Variants in SBF2 observed in about 807,000 individuals in gnomAD.
SBF2 encodes the protein myotubularin-related protein 13.
In SBF2, 112 loss-of-function variants were observed where a neutral mutation model predicts 225.2. The observed-to-expected ratio is 0.50, with a 90% CI of 0.43 to 0.58. The LOEUF (loss-of-function observed/expected upper bound fraction) is 0.58, where lower values mean the gene tolerates loss of function less well. SBF2 is among the 20% of genes least tolerant of loss of function. The pLI is 0.00. For synonymous variants in SBF2, 763 were observed against 773.3 expected, an observed-to-expected ratio of 0.99 and a Z score of 0.22; for missense variants, 1,996 against 2,206.2, an observed-to-expected ratio of 0.90 and a Z score of 1.91.
intron 16 of SBF2, among the ~76,000 whole-genome samples, chr11:9,915,156 T>C (rs1590426580): frequency 6.6e-6 from 1 of 151,992 alleles, no homozygotes; most frequent in East Asian, 1.9e-4. Context: ...AAGAGAGTAC[T>C]TGAAAAAGAA....
At chr11:10,171,988 AC>A (rs1437618574) in intron 2 of SBF2, among the ~76,000 whole-genome samples, 13 of 152,166 alleles carry the variant, frequency 8.5e-5, no homozygotes, top group African/African-American at 2.6e-4. Flanking sequence ...ATCAGTTGTA[AC>A]GTCTTCTTTT....
At chr11:10,250,803 C>T (rs1247489114) in intron 1 of SBF2, among the ~76,000 whole-genome samples, 1 of 152,138 alleles carries the variant, frequency 6.6e-6, no homozygotes, top group Non-Finnish European at 1.5e-5. Flanking sequence ...TGCAACAAAA[C>T]TTGGGAAGCT....
intron 14 of SBF2, among the ~76,000 whole-genome samples, chr11:9,967,971 C>CTCTCTCTCTCTATATATATATATATA (rs1260685462): frequency 6.6e-5 from 6 of 91,508 alleles, no homozygotes; most frequent in African/African-American, 1.5e-4. Flanking sequence ...CTCTCTCTCT[C>CTCTCTCTCTCTATATATATATATATA]TATATATATA....
At chr11:10,296,822 G>C (rs1964553453), upstream of SBF2, among the ~76,000 whole-genome samples, 1 of 152,148 alleles carries the variant, frequency 6.6e-6, no homozygotes, top group Non-Finnish European at 1.5e-5. Flanking sequence ...ATTTTCACCA[G>C]CAATGCACTA....
intron 2 of SBF2, among the ~76,000 whole-genome samples, chr11:10,158,500 T>C (rs779637115): frequency 8.5e-5 from 13 of 152,074 alleles, no homozygotes; most frequent in Admixed American, 2.6e-4. Context: ...AACACTACAA[T>C]TGATATCATA....
intron 2 of SBF2, among the ~76,000 whole-genome samples, chr11:10,045,185 T>C (rs1470026278): frequency 1.8e-4 from 27 of 151,702 alleles, no homozygotes; most frequent in Admixed American, 1.6e-3. Context: ...TTTTTTTTTT[T>C]TGAGATGAGT....
In SBF2 at chr11:9,785,277, G is replaced by A; in HGVS notation, c.5079C>T (p.Thr1693=). The change falls in exon 37 of 40, where the codon ACC becomes ACT. Residue 1693 remains threonine (T), a synonymous_variant. Coordinates refer to ENST00000256190, the MANE Select transcript of SBF2 (RefSeq NM_030962.4). ...HLSRSPGIVS[T]NLPSYQKRSL... is the part of the protein sequence containing the mutation. ...ACCTCTTCTGATAGGAAGGTAGGTT[G>A]GTAGACACAATTCCTGGGGATCTCG... 1 of 1,614,160 alleles carries A rather than the reference G, an allele frequency of 6.2e-7. No homozygotes were observed. The highest frequency in any genetic ancestry group is 8.5e-7 in the Non-Finnish European group (1 of 1,180,024).
At chr11:10,141,752 C>T (rs1954658032) in intron 2 of SBF2, among the ~76,000 whole-genome samples, 1 of 152,088 alleles carries the variant, frequency 6.6e-6, no homozygotes, top group South Asian at 2.1e-4. Flanking sequence ...AAGCATCTAT[C>T]CAGTTCTCCA....
chr11:10,084,411 T>C (rs1209326214), intron 2 of SBF2, among the ~76,000 whole-genome samples: 3 of 152,116 alleles, frequency 2.0e-5, no homozygotes, highest in South Asian at 2.1e-4. Context: ...ATGGCTATTA[T>C]TAAAAAGTCA....
At chr11:10,031,828 A>T (rs572950483) in intron 3 of SBF2, among the ~76,000 whole-genome samples, 1 of 152,276 alleles carries the variant, frequency 6.6e-6, no homozygotes, top group South Asian at 2.1e-4. Context: ...CTGCAGCCTC[A>T]ACTTTCTGGG....
chr11:10,019,368 G>C (rs1032335584), intron 6 of SBF2, among the ~76,000 whole-genome samples: 2 of 152,148 alleles, frequency 1.3e-5, no homozygotes, highest in African/African-American at 4.8e-5. Flanking sequence ...GAGTGGGCTA[G>C]CAAGGAGATT....
At chr11:10,232,102 C>T (rs981888161) in intron 1 of SBF2, among the ~76,000 whole-genome samples, 18 of 152,208 alleles carry the variant, frequency 1.2e-4, no homozygotes, top group South Asian at 6.2e-4. Flanking sequence ...TAGGACCCTC[C>T]GAGCCAGGTG....
intron 2 of SBF2, among the ~76,000 whole-genome samples, chr11:10,187,132 T>C (rs180739290): frequency 3.3e-5 from 5 of 152,166 alleles, no homozygotes; most frequent in Non-Finnish European, 7.3e-5. Context: ...TCCAGACATA[T>C]CCCATAAAAC....
At chr11:10,134,368 C>A (rs1299451779) in intron 2 of SBF2, among the ~76,000 whole-genome samples, 2 of 151,486 alleles carry the variant, frequency 1.3e-5, no homozygotes, top group Non-Finnish European at 2.9e-5. Flanking sequence ...TCTGCCCTGG[C>A]CCCCCCCAAA....
At chr11:9,942,903 GAAAGAAAGAAAGAAAGAA>G (rs140830779) in intron 16 of SBF2, among the ~76,000 whole-genome samples, 16,274 of 139,792 alleles carry the variant, frequency 0.12, 1,046 homozygotes, top group East Asian at 0.31. Context: ...GAGAGAGAGA[GAAAGAAAGAAAGAAAGAA>G]AGAAAGAAAG....
chr11:10,224,298 G>C (rs1958455923), intron 1 of SBF2, among the ~76,000 whole-genome samples: 1 of 151,896 alleles, frequency 6.6e-6, no homozygotes, highest in Non-Finnish European at 1.5e-5. Context: ...ACTATATTTT[G>C]AATGCATACA....
At chr11:9,945,412 G>A (rs1590563629) in intron 16 of SBF2, among the ~76,000 whole-genome samples, 1 of 152,104 alleles carries the variant, frequency 6.6e-6, no homozygotes, top group African/African-American at 2.4e-5. Context: ...TATTGAAACT[G>A]GACCCCTTCC....
intron 19 of SBF2, among the ~76,000 whole-genome samples, chr11:9,854,479 G>A (rs1046512318): frequency 6.6e-6 from 1 of 152,168 alleles, no homozygotes; most frequent in Non-Finnish European, 1.5e-5. Context: ...CACATTAGCT[G>A]AATCAGTGTT....
intron 16 of SBF2, among the ~76,000 whole-genome samples, chr11:9,935,686 G>A (rs1441474076): frequency 6.6e-6 from 1 of 152,106 alleles, no homozygotes; most frequent in African/African-American, 2.4e-5. Context: ...TGACAAACCT[G>A]ACAAAAACAA....
Sources: gnomAD v4.1 joint callset for allele counts (sites outside exome capture counted in the v4.1 genomes callset) on GRCh38, gnomAD v4.1.1 for gene constraint, MANE v1.5 for transcripts, NCBI Gene and HGNC (gene_info 2026-07-23, HGNC 2026-07-21) for gene names.